Variants in ANAPC5 observed in about 807,000 individuals in gnomAD.
The protein encoded by ANAPC5 is anaphase-promoting complex subunit 5.
Under a neutral mutation model 91.3 loss-of-function variants are expected in ANAPC5, and 60 were observed. That is an observed-to-expected ratio of 0.66 (90% CI 0.53 to 0.81). The LOEUF is 0.81. Ranked by LOEUF, ANAPC5 falls within the 40% of genes least tolerant of loss-of-function variation. ANAPC5 has a pLI of 0.00. For missense variants in ANAPC5, 690 were observed against 931.5 expected, an observed-to-expected ratio of 0.74 and a Z score of 3.37; for synonymous variants, 340 against 364.1, an observed-to-expected ratio of 0.93 and a Z score of 0.75.
rs139227556 is a variant in ANAPC5 at position 121,342,244 on chromosome 12, AAAG to A, written c.591-178_591-176del. ...GTTGAGATCAATGCACAGAGCCCAT[AAAG>A]AAGCCCTGGCATGCATGGTCAAATG... On this transcript the variant is annotated intron_variant, in intron 4 of 16. Transcript: ENST00000261819. This position sits in a 1 kb window ranked among gnomAD's most constrained non-coding sequence, Gnocchi z 4.1. 2.0e-3 allele frequency among the ~76,000 whole-genome samples: 309 copies of A among 152,338 alleles called. 1 individual carries two copies. The highest frequency in any genetic ancestry group is 7.0e-3 in the African/African-American group (293 of 41,584).
In ANAPC5 at chr12:121,346,950, G is replaced by C; in HGVS notation, c.343C>G (p.Leu115Val). The C allele has an allele frequency of 1.2e-6, 2 of 1,612,058 alleles. No individual in the cohort carries two copies. The highest frequency in any genetic ancestry group is 4.5e-5 in the East Asian group (2 of 44,704). The part of the protein sequence containing the change: ...LKDMEQFFDD[L>V]SDSFSGTEPE... ...TCAGTTCCAGAGAAAGAATCTGAAA[G>C]GTCATCAAAAAACTGTTCCATATCC... is the stretch of plus-strand genomic sequence containing the variant. Residue 115 changes from leucine (L) to valine (V), a missense_variant, in exon 3 of 17, where the codon CTT becomes GTT. By Grantham distance (32) the Leu-to-Val change is conservative. Transcript: ENST00000261819.
intron 2 of ANAPC5, 104 bp from the exon 3 acceptor site, chr12:121,347,109 C>T (rs1175108299): frequency 9.6e-6 from 6 of 626,600 alleles, no homozygotes; most frequent in Non-Finnish European, 1.3e-5. Flanking sequence ...ACAGGCAATT[C>T]AGAGATTTGT....
chr12:121,313,234 G>A (rs933342746), intron 15 of ANAPC5, among the ~76,000 whole-genome samples: 2 of 152,084 alleles, frequency 1.3e-5, no homozygotes, highest in Admixed American at 6.6e-5. Flanking sequence ...GCTGAGGTAG[G>A]AGAATTGCTT....
At position 121,318,370 on chromosome 12, in the gene ANAPC5, C is replaced by T. The variant is rs750743988; in HGVS notation, c.1800G>A (p.Ala600=). ...CCAGAGCCTGCAGGAGCATGGGCAG[C>T]GCGATGGTAGGGGAGGAAGATCGCC... ...LYWRSSSPTI[A]LPMLLQALAL... Residue 600 remains alanine, a synonymous_variant, in exon 15 of 17, where the codon GCG becomes GCA. Transcript: ENST00000261819. 15 of 1,611,992 alleles carry T rather than the reference C, an allele frequency of 9.3e-6. No homozygotes were observed. Among genetic ancestry groups the T allele is most frequent in the South Asian group, 2.2e-5 (2 of 90,710 alleles).
intron 4 of ANAPC5, among the ~76,000 whole-genome samples, chr12:121,345,601 C>A (rs1168188648): frequency 6.6e-6 from 1 of 152,098 alleles, no homozygotes; most frequent in Non-Finnish European, 1.5e-5. Flanking sequence ...GCCAATGAAT[C>A]CACACTCCAC....
Position 121,309,832 on chromosome 12 carries a change from C to G in ANAPC5, c.1925G>C (p.Ser642Thr), listed in dbSNP as rs1424390631. 6.2e-7 allele frequency: 1 copy of G among 1,613,980 alleles called. No homozygotes were observed. The highest frequency in any genetic ancestry group is 1.7e-5 in the Admixed American group (1 of 59,964). ...LILGIPEQAL[S>T]LLHMAIEPIL... Reference sequence around the variant, plus strand: ...GGGCTCGATGGCCATGTGGAGAAGACTTAAGGCCTGTTCTGGGATTCCAAG... The same window carrying G: ...GGGCTCGATGGCCATGTGGAGAAGAGTTAAGGCCTGTTCTGGGATTCCAAG... The change falls in exon 16 of 17, where the codon AGT becomes ACT. Residue 642 changes from serine to threonine, a missense_variant. Ser to Thr is a moderately conservative substitution (Grantham distance 58). Coordinates refer to ENST00000261819, the MANE Select transcript of ANAPC5 (RefSeq NM_016237.5).
chr12:121,311,078 G>A (rs925692072), intron 15 of ANAPC5, among the ~76,000 whole-genome samples: 2 of 151,600 alleles, frequency 1.3e-5, no homozygotes, highest in South Asian at 2.1e-4. Context: ...GAGACTCACT[G>A]TAGATTAAAA....
In ANAPC5 at chr12:121,320,403, A is replaced by T. The variant is rs61757696; in HGVS notation, c.1497T>A (p.Pro499=). The T allele has an allele frequency of 2.2e-3, 3,477 of 1,613,786 alleles. 59 individuals are homozygous for T. In the African/African-American group the frequency reaches 0.04, roughly 19 times the overall value. The change falls in exon 12 of 17, where the codon CCT becomes CCA. Residue 499 remains proline (P), a synonymous_variant. Coordinates refer to ENST00000261819, the MANE Select transcript of ANAPC5 (RefSeq NM_016237.5). Reference sequence around the variant, plus strand: ...AGATTACCTGGGCGTGCTGACTATTAGGCGGAAATCGTTCCTTCAAGTGCT... The same window carrying T: ...AGATTACCTGGGCGTGCTGACTATTTGGCGGAAATCGTTCCTTCAAGTGCT... ...VLKHLKERFP[P]NSQHAQLWML...
chr12:121,321,464 C>G (rs1902607073), intron 11 of ANAPC5, among the ~76,000 whole-genome samples: 1 of 148,120 alleles, frequency 6.8e-6, no homozygotes, highest in African/African-American at 2.5e-5. Flanking sequence ...AATCAATCCT[C>G]TCATCTCAGC....
At chr12:121,312,269 T>C (rs1348884130) in intron 15 of ANAPC5, among the ~76,000 whole-genome samples, 1 of 152,086 alleles carries the variant, frequency 6.6e-6, no homozygotes, top group Admixed American at 6.6e-5. Context: ...TGTATAAAAA[T>C]ACCACAGACT....
intron 11 of ANAPC5, among the ~76,000 whole-genome samples, 153 bp downstream of exon 11, chr12:121,326,943 T>C (rs904113017): frequency 5.3e-5 from 8 of 152,194 alleles, no homozygotes; most frequent in African/African-American, 1.9e-4. Flanking sequence ...ACTCCACCCT[T>C]GGTCCCCTTC....
intron 7 of ANAPC5, chr12:121,334,905 A>G (rs1903171060): frequency 6.6e-6 from 1 of 152,168 alleles, no homozygotes; most frequent in Non-Finnish European, 1.5e-5. Flanking sequence ...AAGTAATGAA[A>G]GAGGCTAGGC....
At chr12:121,338,899 A>G (rs922996911) in intron 5 of ANAPC5, among the ~76,000 whole-genome samples, 6 of 151,994 alleles carry the variant, frequency 3.9e-5, no homozygotes, top group Admixed American at 2.0e-4. Flanking sequence ...AAATCACAAT[A>G]TATGTTTATA....
intron 6 of ANAPC5, among the ~76,000 whole-genome samples, chr12:121,336,348 A>C (rs1480270419): frequency 6.6e-6 from 1 of 152,194 alleles, no homozygotes. Context: ...AAACACTGAC[A>C]AAAGAAGAGA....
At chr12:121,335,444 G>C (rs1249294360) in intron 7 of ANAPC5, 89 bp downstream of exon 7, 2 of 1,439,168 alleles carry the variant, frequency 1.4e-6, no homozygotes, top group Non-Finnish European at 1.9e-6. Flanking sequence ...GGGACTATAG[G>C]CGTGAGCCAC....
At position 121,346,020 on chromosome 12, in the gene ANAPC5, G is replaced by A; in HGVS notation, c.409C>T (p.Arg137Cys). The change falls in exon 4 of 17, where the codon CGT becomes TGT. Residue 137 changes from arginine to cysteine, a missense_variant. Coordinates refer to ENST00000261819, the MANE Select transcript of ANAPC5 (RefSeq NM_016237.5). ...HKTSVVGLFLRHMILAYSKLS... is the reference protein window; with the variant it reads ...HKTSVVGLFLCHMILAYSKLS... The stretch of plus-strand genomic sequence containing the variant: ...TTACTGTAGGCCAAGATCATGTGAC[G>A]CAGAAACAAACCTACAAAATAAGAC... 6.2e-7 allele frequency: 1 copy of A among 1,603,666 alleles called. No individual in the cohort carries two copies. The highest frequency in any genetic ancestry group is 8.5e-7 in the Non-Finnish European group (1 of 1,176,298).
At chr12:121,340,697 C>T (rs1004298657) in intron 5 of ANAPC5, among the ~76,000 whole-genome samples, 6 of 150,522 alleles carry the variant, frequency 4.0e-5, no homozygotes, top group East Asian at 2.0e-4. Flanking sequence ...GGATTACAGA[C>T]GGGCATCACC....
At chr12:121,319,622 A>G in intron 13 of ANAPC5, 75 bp downstream of exon 13, 1 of 1,419,792 alleles carries the variant, frequency 7.0e-7, no homozygotes, top group Non-Finnish European at 9.5e-7. Flanking sequence ...AAATAAATTA[A>G]TGCACATATA....
chr12:121,308,782 A>T, intron 16 of ANAPC5, 91 bp from the exon 17 acceptor site: 1 of 1,036,302 alleles, frequency 9.6e-7, no homozygotes, highest in Non-Finnish European at 1.5e-6. Flanking sequence ...TTGTTCAACA[A>T]CTACCAGAAG....
Sources: allele counts gnomAD v4.1 joint callset (sites outside exome capture counted in the v4.1 genomes callset), GRCh38; gene constraint gnomAD v4.1.1; non-coding constraint Gnocchi (gnomAD v3.1); transcripts MANE v1.5; gene names NCBI Gene and HGNC (gene_info 2026-07-23, HGNC 2026-07-21).